Variants in ZBTB7C observed in about 807,000 individuals in gnomAD.
ZBTB7C encodes the protein zinc finger and BTB domain containing 7C.
A neutral mutation model predicts 25.7 loss-of-function variants in ZBTB7C; 8 were observed. That is an observed-to-expected ratio of 0.31 (90% confidence interval 0.18 to 0.56). ZBTB7C has a LOEUF of 0.56. Among genes scored for constraint, ZBTB7C ranks in the 20% least tolerant of loss-of-function variants. ZBTB7C has a pLI of 0.91. For missense variants in ZBTB7C, 824 were observed against 855.2 expected (o/e 0.96, Z 0.46); for synonymous variants, 394 against 369.0 (o/e 1.07, Z -0.78).
intron 3 of ZBTB7C, among the ~76,000 whole-genome samples, chr18:48,074,236 ACTC>A (rs1286912725): frequency 1.3e-5 from 2 of 150,664 alleles, no homozygotes; most frequent in Non-Finnish European, 1.5e-5. Flanking sequence ...CTGGTCTTGA[ACTC>A]CTGATCTCAG....
intron 1 of ZBTB7C, among the ~76,000 whole-genome samples, chr18:48,389,220 CTCTCTCTCTCTCTCTCGTGT>C (rs1309435989): frequency 2.4e-5 from 3 of 126,870 alleles, no homozygotes; most frequent in Non-Finnish European, 3.3e-5. Context: ...CTCTCTCTCT[CTCTCTCTCTCTCTCTCGTGT>C]GTGTGTGTGT....
intron 3 of ZBTB7C, among the ~76,000 whole-genome samples, chr18:48,085,095 C>T (rs965752702): frequency 6.6e-6 from 1 of 152,146 alleles, no homozygotes; most frequent in South Asian, 2.1e-4. Context: ...TCCAGATCAA[C>T]TCAGCTGAAC....
chr18:48,400,169 G>GAAC (rs1440866333), intron 1 of ZBTB7C, among the ~76,000 whole-genome samples: 1 of 152,146 alleles, frequency 6.6e-6, no homozygotes. Context: ...GCTGAACACT[G>GAAC]TCAGTTCTCA....
intron 2 of ZBTB7C, among the ~76,000 whole-genome samples, chr18:48,307,182 A>G (rs2045696534): frequency 6.6e-6 from 1 of 152,170 alleles, no homozygotes; most frequent in South Asian, 2.1e-4. Context: ...CAGGACCTCC[A>G]GGGCCTCAGT....
intron 2 of ZBTB7C, among the ~76,000 whole-genome samples, chr18:48,315,261 C>A (rs73435225): frequency 0.011 from 1,600 of 152,224 alleles, 36 homozygotes; most frequent in African/African-American, 0.037. Flanking sequence ...ATTGGCAAAC[C>A]AACGCTGGAT....
Position 48,179,128 on chromosome 18 carries a change from C to A in ZBTB7C, c.-17+6806G>T, listed in dbSNP as rs1489819714. Among the ~76,000 whole-genome samples, 3 of 152,238 alleles carry A rather than the reference C, an allele frequency of 2.0e-5. No individual in the cohort carries two copies. In the East Asian group the frequency reaches 5.8e-4, roughly 29 times the overall value. Reference sequence around the variant, plus strand: ...TACCATAATGCAGATAATTCCATTTCTCCAGCAGGAACAAACCAATCTGGC... The same window carrying A: ...TACCATAATGCAGATAATTCCATTTATCCAGCAGGAACAAACCAATCTGGC... On this transcript the variant is annotated intron_variant, in intron 3 of 4. Coordinates refer to ENST00000590800, the MANE Select transcript of ZBTB7C (RefSeq NM_001318841.2).
rs563157431 is a variant in ZBTB7C at position 48,265,879 on chromosome 18, G to A, written c.-79+72295C>T. Reference sequence around the variant, plus strand: ...CTGCACTGGGCCCTTTTGCTAAAACGACATCATTGAGACACTTGCACAACG... The same window carrying A: ...CTGCACTGGGCCCTTTTGCTAAAACAACATCATTGAGACACTTGCACAACG... On this transcript the variant is annotated intron_variant, in intron 2 of 4. Transcript: ENST00000590800. 5.3e-5 allele frequency among the ~76,000 whole-genome samples: 8 copies of A among 152,328 alleles called. No individual in the cohort carries two copies. In the South Asian group the frequency reaches 1.4e-3, roughly 28 times the overall value.
chr18:48,288,869 A>G (rs1170530344), intron 2 of ZBTB7C, among the ~76,000 whole-genome samples: 3 of 152,218 alleles, frequency 2.0e-5, no homozygotes, highest in Non-Finnish European at 4.4e-5. Flanking sequence ...AGTTTATGGT[A>G]CTTTGTTACA....
intron 3 of ZBTB7C, among the ~76,000 whole-genome samples, chr18:48,157,965 G>A (rs1037534035): frequency 6.6e-6 from 1 of 152,138 alleles, no homozygotes; most frequent in Non-Finnish European, 1.5e-5. Flanking sequence ...AGAGGGAATA[G>A]GGCTTGAGGG....
At chr18:48,373,506 T>C (rs975226989) in intron 1 of ZBTB7C, among the ~76,000 whole-genome samples, 3 of 152,062 alleles carry the variant, frequency 2.0e-5, no homozygotes, top group Non-Finnish European at 2.9e-5. Flanking sequence ...GTTTGGATAT[T>C]TGTCCTGCCC....
Position 48,029,277 on chromosome 18 carries a change from A to C in ZBTB7C, c.1843T>G (p.Ser615Ala). 6.5e-7 allele frequency: 1 copy of C among 1,538,200 alleles called. No individual in the cohort carries two copies. Among genetic ancestry groups the C allele is most frequent in the Non-Finnish European group, 8.7e-7 (1 of 1,148,814 alleles). The change falls in exon 5 of 5, where the codon TCC becomes GCC. Residue 615 changes from serine (S) to alanine (A), a missense_variant. Ser to Ala is a moderately conservative substitution (Grantham distance 99). Around this residue, in one of 4 missense-constraint regions of ZBTB7C, gnomAD observed 342 missense variants for 307.0 expected, o/e 1.11. Coordinates refer to ENST00000590800, the MANE Select transcript of ZBTB7C (RefSeq NM_001318841.2). ...GGACCAGCCTAGTTGTTGGCTTCGGACATGGAGGCCACGTGGTTGAGGCCG... is the reference window on the plus strand; with the variant it reads ...GGACCAGCCTAGTTGTTGGCTTCGGCCATGGAGGCCACGTGGTTGAGGCCG... ...LAGLNHVASM[S>A]EANN
chr18:48,055,751 T>C (rs1598793293), intron 3 of ZBTB7C, among the ~76,000 whole-genome samples: 1 of 152,116 alleles, frequency 6.6e-6, no homozygotes, highest in Non-Finnish European at 1.5e-5. Context: ...ATAGAGTAGC[T>C]ACCCTTTCCC....
At chr18:48,281,294 C>T (rs371289991) in intron 2 of ZBTB7C, among the ~76,000 whole-genome samples, 8,055 of 152,066 alleles carry the variant, frequency 0.053, 257 homozygotes, top group Non-Finnish European at 0.072. Flanking sequence ...CCTTAAACCT[C>T]ATACAAAAAT....
At chr18:48,144,149 C>A (rs2040430619) in intron 3 of ZBTB7C, among the ~76,000 whole-genome samples, 1 of 151,986 alleles carries the variant, frequency 6.6e-6, no homozygotes, top group African/African-American at 2.4e-5. Context: ...CGTGGTGGTG[C>A]CTGCCTGTAA....
At chr18:48,215,690 G>GT (rs751033152) in intron 2 of ZBTB7C, among the ~76,000 whole-genome samples, 43 of 152,320 alleles carry the variant, frequency 2.8e-4, no homozygotes, top group Non-Finnish European at 4.4e-4. Flanking sequence ...TAGATGGCAA[G>GT]TGTTTCCCAT....
intron 3 of ZBTB7C, among the ~76,000 whole-genome samples, chr18:48,053,384 A>G (rs1460994321): frequency 6.6e-6 from 1 of 152,212 alleles, no homozygotes; most frequent in African/African-American, 2.4e-5. Flanking sequence ...GACACAGTAA[A>G]CAGGTGATGG....
At chr18:48,389,943 G>A (rs1196427984) in intron 1 of ZBTB7C, among the ~76,000 whole-genome samples, 2 of 152,176 alleles carry the variant, frequency 1.3e-5, no homozygotes, top group African/African-American at 4.8e-5. Flanking sequence ...CCTATACTTA[G>A]CTGGTGTCAG....
chr18:48,124,309 C>A (rs867580160), intron 3 of ZBTB7C, among the ~76,000 whole-genome samples: 4 of 152,208 alleles, frequency 2.6e-5, no homozygotes, highest in Non-Finnish European at 5.9e-5. Context: ...TTAGGAGACA[C>A]TGAGTAGCAG....
Position 48,040,823 on chromosome 18 carries a change from G to A in ZBTB7C, c.285C>T (p.Ser95=). 1.2e-6 allele frequency: 2 copies of A among 1,614,106 alleles called. No homozygotes were observed. Among genetic ancestry groups the A allele is most frequent in the Non-Finnish European group, 1.7e-6 (2 of 1,179,958 alleles). The change falls in exon 4 of 5, where the codon TCC becomes TCT. Residue 95 remains serine, a synonymous_variant. Coordinates refer to ENST00000590800, the MANE Select transcript of ZBTB7C (RefSeq NM_001318841.2). ...LAAILEFAYT[S]TLTITAGNVK... ...CATTGCCAGCGGTGATGGTGAGCGT[G>A]GAGGTGTAGGCGAACTCCAGGATAG...
Sources: allele counts gnomAD v4.1 joint callset (sites outside exome capture counted in the v4.1 genomes callset), GRCh38; gene constraint gnomAD v4.1.1; regional missense constraint gnomAD v4.1.1; transcripts MANE v1.5; gene names NCBI Gene and HGNC (gene_info 2026-07-23, HGNC 2026-07-21).